The following PREX1 variants were observed in gnomAD, a reference collection of about 807,000 sequenced individuals.
The protein encoded by PREX1 is phosphatidylinositol 3,4,5-trisphosphate-dependent Rac exchanger 1 protein.
In PREX1, 41 loss-of-function variants were observed where a neutral mutation model predicts 198.3. The ratio of observed to expected loss-of-function variants is 0.21; its 90% CI spans 0.16 to 0.27. The LOEUF (loss-of-function observed/expected upper bound fraction) is 0.27. PREX1 is among the 10% of genes least tolerant of loss of function. The probability of loss-of-function intolerance (pLI) is 1.00; values close to 1 mark genes in which losing one functional copy is unlikely to be tolerated. For missense variants in PREX1, 1,620 were observed against 2,200.7 expected, an observed-to-expected ratio of 0.74 and a Z score of 5.28; for synonymous variants, 843 against 887.2, an observed-to-expected ratio of 0.95 and a Z score of 0.89.
At chr20:48,776,038 G>A (rs1368348634) in intron 1 of PREX1, among the ~76,000 whole-genome samples, 4 of 152,136 alleles carry the variant, frequency 2.6e-5, no homozygotes, top group African/African-American at 9.7e-5. Flanking sequence ...CATCTAACAA[G>A]CAGGGGGAAG....
In PREX1 at chr20:48,644,390, C is replaced by T; in HGVS notation, c.3601+19G>A. 1 of 1,599,858 alleles carries T rather than the reference C, an allele frequency of 6.3e-7. No homozygotes were observed. Among genetic ancestry groups the T allele is most frequent in the East Asian group, 2.2e-5 (1 of 44,674 alleles). On this transcript the variant is annotated intron_variant, in intron 27 of 39. Transcript: ENST00000371941. Reference sequence around the variant, plus strand: ...AGGAGCCTCTCTCCCTGAGCACAGGCCGCTGCCACTCCACTCACCAGACCC... The same window carrying T: ...AGGAGCCTCTCTCCCTGAGCACAGGTCGCTGCCACTCCACTCACCAGACCC...
chr20:48,884,008 T>C, the PREX1 span, among the ~76,000 whole-genome samples: 5 of 151,822 alleles, frequency 3.3e-5, no homozygotes, highest in Admixed American at 2.0e-4. Context: ...GGCGTGGTGG[T>C]GGACGCCTGT....
At chr20:48,854,096 A>G in the PREX1 span, among the ~76,000 whole-genome samples, 5 of 151,968 alleles carry the variant, frequency 3.3e-5, no homozygotes, top group African/African-American at 1.2e-4. Flanking sequence ...CTCTCCTCTC[A>G]CCATCGGGTC....
the PREX1 span, among the ~76,000 whole-genome samples, chr20:48,861,928 G>A: frequency 6.6e-6 from 1 of 152,136 alleles, no homozygotes; most frequent in African/African-American, 2.4e-5. Flanking sequence ...TGAAAAAGCA[G>A]GCCAGGCGCG....
At chr20:48,756,972 C>G (rs2090158287) in intron 1 of PREX1, among the ~76,000 whole-genome samples, 1 of 152,108 alleles carries the variant, frequency 6.6e-6, no homozygotes, top group African/African-American at 2.4e-5. Flanking sequence ...CATCAGATCT[C>G]GTGAGACTTA....
chr20:48,774,817 T>C (rs2426098), intron 1 of PREX1, among the ~76,000 whole-genome samples: 51,691 of 152,234 alleles, frequency 0.34, 10,082 homozygotes, highest in Non-Finnish European at 0.43. Context: ...GCCAGGCACA[T>C]GGTGGCCCAC....
intron 37 of PREX1, among the ~76,000 whole-genome samples, chr20:48,629,191 TAC>T (rs573999768): frequency 7.9e-4 from 121 of 152,278 alleles, no homozygotes; most frequent in African/African-American, 2.6e-3. Context: ...CCGGCGGAAC[TAC>T]AGGGCACAGC....
At chr20:48,856,503 CAGG>C in the PREX1 span, among the ~76,000 whole-genome samples, 4 of 152,208 alleles carry the variant, frequency 2.6e-5, no homozygotes, top group African/African-American at 4.8e-5. Flanking sequence ...CTAGAGAAGG[CAGG>C]AGAACCATCC....
At chr20:48,735,377 G>C (rs35770820) in intron 3 of PREX1, among the ~76,000 whole-genome samples, 14,852 of 152,176 alleles carry the variant, frequency 0.098, 1,022 homozygotes, top group Non-Finnish European at 0.16. Context: ...AAAGCAAGCA[G>C]CTCATCTTGT....
intron 1 of PREX1, among the ~76,000 whole-genome samples, chr20:48,804,826 G>A (rs1423318680): frequency 6.6e-6 from 1 of 152,160 alleles, no homozygotes. Context: ...GGATGTAAGA[G>A]GAAGAGTGGC....
At chr20:48,676,435 T>C (rs2089709977) in intron 13 of PREX1, among the ~76,000 whole-genome samples, 167 bp from the exon 14 acceptor site, 1 of 152,096 alleles carries the variant, frequency 6.6e-6, no homozygotes, top group African/African-American at 2.4e-5. Context: ...TCACTTGCAG[T>C]GTGACCGAGG....
At chr20:48,700,995 A>G (rs556732556) in intron 6 of PREX1, 109 bp from the exon 7 acceptor site, 58 of 1,435,540 alleles carry the variant, frequency 4.0e-5, no homozygotes, top group Non-Finnish European at 5.5e-5. Flanking sequence ...AAACTCCACC[A>G]GCAAGTCTGT....
chr20:48,786,090 G>A (rs2090310875), intron 1 of PREX1, among the ~76,000 whole-genome samples: 2 of 152,114 alleles, frequency 1.3e-5, no homozygotes, highest in South Asian at 2.1e-4. Flanking sequence ...AGCATCTGAG[G>A]AGCAGCCAGG....
At chr20:48,859,108 C>T in the PREX1 span, among the ~76,000 whole-genome samples, 1 of 151,864 alleles carries the variant, frequency 6.6e-6, no homozygotes, top group Non-Finnish European at 1.5e-5. Flanking sequence ...GCCATGTTGC[C>T]CAGGCTGATT....
At chr20:48,751,591 C>T (rs1326563836) in intron 1 of PREX1, among the ~76,000 whole-genome samples, 2 of 152,244 alleles carry the variant, frequency 1.3e-5, no homozygotes, top group Non-Finnish European at 2.9e-5. Flanking sequence ...ACGGCGTCCC[C>T]TGCACTGGCA....
intron 2 of PREX1, among the ~76,000 whole-genome samples, chr20:48,746,587 C>T: frequency 6.6e-6 from 1 of 151,990 alleles, no homozygotes; most frequent in Non-Finnish European, 1.5e-5. Context: ...CCAGGGATTA[C>T]CTTTAGGGAG....
rs2090515732 is a variant in PREX1, at chr20:48,827,648, C to T, written c.213G>A (p.Leu71=). The T allele has an allele frequency of 7.6e-6, 10 of 1,315,776 alleles. No individual in the cohort carries two copies. The highest frequency in any genetic ancestry group is 9.8e-6 in the Non-Finnish European group (10 of 1,020,280). The allele number at this position is 1,315,776 out of a possible 1,614,324, so 81.5% of individuals were successfully genotyped here. A position where few individuals can be genotyped will look rare whatever the true frequency, so the allele number is the denominator to read the frequency against. The change falls in exon 1 of 40, where the codon TTG becomes TTA. Residue 71 remains leucine, a synonymous_variant. Transcript: ENST00000371941. This position sits in a 1 kb window ranked among gnomAD's most constrained non-coding sequence, Gnocchi z 4.1. ...GCTCCCGAGCGACACTCACCGACTG[C>T]AAGAAGCGCAAGGTGCCCACGTAGT... The part of the protein sequence containing the change: ...ERDYVGTLRF[L]QSAFLHRIRQ...
intron 14 of PREX1, among the ~76,000 whole-genome samples, chr20:48,674,146 T>G (rs1159176329): frequency 4.6e-5 from 7 of 152,244 alleles, no homozygotes; most frequent in Non-Finnish European, 1.0e-4. Flanking sequence ...AAATTGGAAT[T>G]CAAATCCAGA....
rs1463759730 is a variant in PREX1 at position 48,728,099 on chromosome 20, A to G, written c.520-1708T>C. Among the ~76,000 whole-genome samples the G allele has an allele frequency of 2.6e-5, 4 of 152,158 alleles. No homozygotes were observed. The East Asian group carries it at 7.7e-4, about 29-fold the overall frequency. The stretch of plus-strand genomic sequence containing the variant: ...CCTGGCAAACTGGAAATGAATCCAG[A>G]CTCTTGGGAAAAGGGATTCCCATCC... On this transcript the variant is annotated intron_variant, in intron 4 of 39. Coordinates refer to ENST00000371941, the MANE Select transcript of PREX1 (RefSeq NM_020820.4).
Sources: gnomAD v4.1 joint callset for allele counts (sites outside exome capture counted in the v4.1 genomes callset) on GRCh38, gnomAD v4.1.1 for gene constraint, Gnocchi (gnomAD v3.1) non-coding constraint, MANE v1.5 for transcripts, NCBI Gene and HGNC (gene_info 2026-07-23, HGNC 2026-07-21) for gene names.